The following PLEKHA6 variants were observed in gnomAD, a reference collection of about 807,000 sequenced individuals.
The protein encoded by PLEKHA6 is pleckstrin homology domain containing A6.
Under a neutral mutation model 116.7 loss-of-function variants are expected in PLEKHA6, and 60 were observed. The observed-to-expected ratio is 0.51, with a 90% CI of 0.42 to 0.64. The LOEUF (loss-of-function observed/expected upper bound fraction) is 0.64, where lower values mean the gene tolerates loss of function less well. PLEKHA6 is among the 30% of genes least tolerant of loss of function. PLEKHA6 has a pLI of 0.00. For synonymous variants in PLEKHA6, 489 were observed against 556.1 expected, an observed-to-expected ratio of 0.88 and a Z score of 1.70; for missense variants, 1,338 against 1,422.7, an observed-to-expected ratio of 0.94 and a Z score of 0.96.
intron 1 of PLEKHA6, among the ~76,000 whole-genome samples, chr1:204,347,792 G>T (rs1673119108): frequency 6.6e-6 from 1 of 152,160 alleles, no homozygotes; most frequent in South Asian, 2.1e-4. Context: ...CCCTGGACAA[G>T]CTGGGAGAAT....
At chr1:204,258,300 T>G (rs763745206) in intron 8 of PLEKHA6, among the ~76,000 whole-genome samples, 6 of 152,196 alleles carry the variant, frequency 3.9e-5, no homozygotes, top group Non-Finnish European at 8.8e-5. Flanking sequence ...AGGTCCATTC[T>G]GTCACCAGCC....
At chr1:204,333,473 C>T (rs1191769981) in intron 1 of PLEKHA6, among the ~76,000 whole-genome samples, 1 of 152,194 alleles carries the variant, frequency 6.6e-6, no homozygotes, top group African/African-American at 2.4e-5. Flanking sequence ...ATTTGCATAG[C>T]GTTTTACACA....
In PLEKHA6 at chr1:204,311,907, G is replaced by C. The variant is rs539394901; in HGVS notation, c.-94-37098C>G. ...CCCTCGTGCAATAGCATTTCCTCTG[G>C]TCTCAGCCCATTTCTTACCCTTCCT... On this transcript the variant is annotated intron_variant, in intron 1 of 22. Transcript: ENST00000272203. 6.6e-5 allele frequency among the ~76,000 whole-genome samples: 10 copies of C among 152,212 alleles called. No individual in the cohort carries two copies. The South Asian group carries it at 1.9e-3, about 28-fold the overall frequency.
chr1:204,331,968 G>A (rs1295617832), intron 1 of PLEKHA6, among the ~76,000 whole-genome samples: 1 of 152,082 alleles, frequency 6.6e-6, no homozygotes, highest in African/African-American at 2.4e-5. Flanking sequence ...AGGTGTGCAG[G>A]AGCCGGGGTG....
chr1:204,236,611 C>A (rs1662085989), intron 17 of PLEKHA6, among the ~76,000 whole-genome samples: 1 of 152,096 alleles, frequency 6.6e-6, no homozygotes. Flanking sequence ...TGGCACTCAA[C>A]CATCAAAGGC....
chr1:204,334,583 T>C (rs1015388005), intron 1 of PLEKHA6, among the ~76,000 whole-genome samples: 2 of 152,214 alleles, frequency 1.3e-5, no homozygotes, highest in Non-Finnish European at 2.9e-5. Context: ...TATCATTTCT[T>C]TGTGGTGAGA....
chr1:204,221,758 C>G lies in PLEKHA6; in HGVS notation c.*1030G>C, dbSNP rs1231779465. ...CAGACACCAGGCACAGACCTACTAA[C>G]AGCCATCTCCCAGGCAGTCGCTACT... On this transcript the variant is annotated 3_prime_UTR_variant, in exon 23 of 23. Coordinates refer to ENST00000272203, the MANE Select transcript of PLEKHA6 (RefSeq NM_014935.5). The G allele has an allele frequency of 6.5e-6, 1 of 152,948 alleles. No homozygotes were observed. Among genetic ancestry groups the G allele is most frequent in the Non-Finnish European group, 1.5e-5 (1 of 68,674 alleles). The allele number at this position is 152,948 out of a possible 1,614,324, so 9.5% of individuals were successfully genotyped here. A position where few individuals can be genotyped will look rare whatever the true frequency, so the allele number is the denominator to read the frequency against.
At chr1:204,364,744 CG>C (rs1673619323), upstream of PLEKHA6, among the ~76,000 whole-genome samples, 2 of 152,104 alleles carry the variant, frequency 1.3e-5, no homozygotes, top group South Asian at 4.1e-4. Flanking sequence ...TACTGGTTCT[CG>C]AAGTGTGGGC....
Position 204,228,998 on chromosome 1 carries a change from A to T in PLEKHA6, c.2690T>A (p.Ile897Asn). 1 of 1,613,900 alleles carries T rather than the reference A, an allele frequency of 6.2e-7. No individual in the cohort carries two copies. The highest frequency in any genetic ancestry group is 8.5e-7 in the Non-Finnish European group (1 of 1,179,982). The change falls in exon 19 of 23, where the codon ATT becomes AAT. Residue 897 changes from isoleucine (I) to asparagine (N), a missense_variant. Around this residue, in one of 3 missense-constraint regions of PLEKHA6, gnomAD observed 1,136 missense variants for 1,163.6 expected, o/e 0.98. Transcript: ENST00000272203. The surrounding 1 kb of genome is among the most constrained non-coding windows in gnomAD (Gnocchi z 4.0). The part of the protein sequence containing the change: ...GHAYETPREE[I>N]ARLRKMELEP... The stretch of plus-strand genomic sequence containing the variant: ...TAGCTCCATTTTGCGAAGCCGGGCA[A>T]TTTCCTCCCGGGGTGTCTCGTAGGC...
At chr1:204,253,572 C>G (rs1030332120) in intron 9 of PLEKHA6, among the ~76,000 whole-genome samples, 1 of 152,102 alleles carries the variant, frequency 6.6e-6, no homozygotes, top group Non-Finnish European at 1.5e-5. Flanking sequence ...TGCCTATAAC[C>G]CTAGCACTTT....
intron 5 of PLEKHA6, among the ~76,000 whole-genome samples, chr1:204,266,868 T>G (rs1335008023): frequency 6.6e-6 from 1 of 152,162 alleles, no homozygotes; most frequent in Admixed American, 6.5e-5. Flanking sequence ...CCCTTGCTGG[T>G]GCCCTCAGCC....
At position 204,273,720 on chromosome 1, in the gene PLEKHA6, T is replaced by C; in HGVS notation, c.8A>G (p.Asn3Ser). 1.9e-6 allele frequency: 3 copies of C among 1,613,306 alleles called. No individual in the cohort carries two copies. The highest frequency in any genetic ancestry group is 2.2e-5 in the East Asian group (1 of 44,870). Residue 3 changes from asparagine to serine, a missense_variant, in exon 3 of 23, where the codon AAT becomes AGT. By Grantham distance (46) the Asn-to-Ser change is conservative. Around this residue, in one of 3 missense-constraint regions of PLEKHA6, gnomAD observed 62 missense variants for 61.7 expected, o/e 1.01. Coordinates refer to ENST00000272203, the MANE Select transcript of PLEKHA6 (RefSeq NM_014935.5). ...AGCCGGGCGTTTCCCACCTGTTTTA[T>C]TGGACATGTCCAAGGTCGATCTGAT... MSNKTGGKRPATT... is the reference protein window; with the variant it reads MSSKTGGKRPATT...
In PLEKHA6 at chr1:204,228,720, C is replaced by G; in HGVS notation, c.2885+8G>C. The G allele has an allele frequency of 1.2e-6, 2 of 1,613,380 alleles. No individual in the cohort carries two copies. Among genetic ancestry groups the G allele is most frequent in the Non-Finnish European group, 1.7e-6 (2 of 1,179,348 alleles). On this transcript the variant is annotated splice_region_variant and intron_variant, in intron 20 of 22. Transcript: ENST00000272203. The surrounding 1 kb of genome is among the most constrained non-coding windows in gnomAD (Gnocchi z 4.0). ...CAGAGGAAGTAGAGGCTCACCCAGG[C>G]TGGTTACCTGGATTTGGCAATGAGT...
At chr1:204,342,680 T>C (rs1269153225) in intron 1 of PLEKHA6, among the ~76,000 whole-genome samples, 2 of 152,216 alleles carry the variant, frequency 1.3e-5, no homozygotes, top group Non-Finnish European at 2.9e-5. Flanking sequence ...CAGAGGTTTG[T>C]CTGTGAAAAC....
upstream of PLEKHA6, among the ~76,000 whole-genome samples, chr1:204,364,578 G>A (rs182291351): frequency 3.5e-4 from 53 of 152,288 alleles, no homozygotes; most frequent in South Asian, 2.1e-4. Flanking sequence ...CTAGAGTGGC[G>A]GCTGCTGCTA....
At chr1:204,374,372 G>T (rs1403911817) in intron 1 of PLEKHA6, among the ~76,000 whole-genome samples, 1 of 152,102 alleles carries the variant, frequency 6.6e-6, no homozygotes, top group Non-Finnish European at 1.5e-5. Context: ...CTAACCTCAG[G>T]TCCCAGGGCT....
chr1:204,317,967 T>C (rs1671921394), intron 1 of PLEKHA6, among the ~76,000 whole-genome samples: 1 of 152,238 alleles, frequency 6.6e-6, no homozygotes, highest in African/African-American at 2.4e-5. Flanking sequence ...TTTGGAAAAG[T>C]ACTTTACACA....
intron 1 of PLEKHA6, among the ~76,000 whole-genome samples, chr1:204,288,535 G>A (rs867945813): frequency 3.9e-5 from 6 of 152,174 alleles, no homozygotes; most frequent in South Asian, 2.1e-4. Flanking sequence ...CTGGGATCTG[G>A]GGGAGGGATG....
intron 1 of PLEKHA6, among the ~76,000 whole-genome samples, chr1:204,337,784 C>A (rs116725569): frequency 1.3e-5 from 2 of 152,074 alleles, no homozygotes; most frequent in African/African-American, 2.4e-5. Context: ...TTGGGAGGCA[C>A]GTACCACAAT....
Sources: gnomAD v4.1 joint callset for allele counts (sites outside exome capture counted in the v4.1 genomes callset) on GRCh38, gnomAD v4.1.1 for gene constraint, gnomAD v4.1.1 regional missense constraint, Gnocchi (gnomAD v3.1) non-coding constraint, MANE v1.5 for transcripts, NCBI Gene and HGNC (gene_info 2026-07-23, HGNC 2026-07-21) for gene names.